GLRA2: variants seen among roughly 807,000 people sequenced by gnomAD.
GLRA2 encodes the protein glycine receptor alpha 2.
GLRA2 carries 11 observed loss-of-function variants against 31.6 expected under a neutral mutation model. That is an observed-to-expected ratio of 0.35 (90% CI 0.22 to 0.58). The LOEUF (loss-of-function observed/expected upper bound fraction) is 0.58, where lower values mean the gene tolerates loss of function less well. GLRA2 is among the 20% of genes least tolerant of loss of function. The pLI is 0.84. For synonymous variants in GLRA2, 132 were observed against 134.0 expected, an observed-to-expected ratio of 0.99 and a Z score of 0.10; for missense variants, 212 against 351.8, an observed-to-expected ratio of 0.60 and a Z score of 3.18.
intron 7 of GLRA2, among the ~76,000 whole-genome samples, chrX:14,676,834 GA>G (rs2091149948): frequency 9.0e-6 from 1 of 111,601 alleles, no homozygotes; most frequent in African/African-American, 3.3e-5. Flanking sequence ...TGTAATTCAT[GA>G]AAAAAATTGA....
the GLRA2 span, among the ~76,000 whole-genome samples, chrX:14,492,320 C>T: frequency 9.0e-6 from 1 of 110,894 alleles, no homozygotes; most frequent in African/African-American, 3.3e-5. Context: ...ATCATCTAGT[C>T]TCCTCATGCT....
At chrX:14,723,015 C>A (rs2091884548) in intron 8 of GLRA2, among the ~76,000 whole-genome samples, 1 of 112,093 alleles carries the variant, frequency 8.9e-6, no homozygotes, top group Admixed American at 9.4e-5. Flanking sequence ...CATAAGTCAC[C>A]TTCAGTATTT....
the GLRA2 span, among the ~76,000 whole-genome samples, chrX:14,470,604 G>C: frequency 9.0e-6 from 1 of 111,370 alleles, no homozygotes; most frequent in African/African-American, 3.3e-5. Flanking sequence ...TGCTTTTATT[G>C]AAAAGGCTAG....
At chrX:14,511,419 T>C in the GLRA2 span, among the ~76,000 whole-genome samples, 5 of 111,867 alleles carry the variant, frequency 4.5e-5, no homozygotes, top group African/African-American at 1.6e-4. Flanking sequence ...TTTGTATCAA[T>C]AGAATTCTTC....
the GLRA2 span, among the ~76,000 whole-genome samples, chrX:14,498,513 AGG>A: frequency 9.1e-6 from 1 of 110,479 alleles, no homozygotes; most frequent in Non-Finnish European, 1.9e-5. Flanking sequence ...ACATATTTTG[AGG>A]GCACATGAGG....
At chrX:14,576,236 C>A (rs747398700) in intron 3 of GLRA2, among the ~76,000 whole-genome samples, 3 of 111,149 alleles carry the variant, frequency 2.7e-5, no homozygotes, top group Admixed American at 9.6e-5. Flanking sequence ...ACTCCATTAC[C>A]CATTTTGATA....
chrX:14,463,638 G>C, the GLRA2 span, among the ~76,000 whole-genome samples: 2 of 111,232 alleles, frequency 1.8e-5, no homozygotes, highest in Non-Finnish European at 3.8e-5. Context: ...TGCTGCACTA[G>C]CAGTGAGCAA....
At chrX:14,663,689 TA>T (rs758015163) in intron 7 of GLRA2, among the ~76,000 whole-genome samples, 35 of 111,941 alleles carry the variant, frequency 3.1e-4, no homozygotes, top group African/African-American at 1.1e-3. Flanking sequence ...AATCTATTAC[TA>T]AAATATTTCA....
chrX:14,523,983 C>A, the GLRA2 span, among the ~76,000 whole-genome samples: 2 of 111,946 alleles, frequency 1.8e-5, no homozygotes, highest in Admixed American at 9.5e-5. Context: ...ACTCATCATC[C>A]ATTCAAGTTT....
chrX:14,485,179 A>G, the GLRA2 span, among the ~76,000 whole-genome samples: 9 of 112,311 alleles, frequency 8.0e-5, no homozygotes, highest in Admixed American at 7.5e-4. Context: ...TCAGGCAAGC[A>G]TAACTCAGAA....
chrX:14,535,230 C>A (rs1051643751), intron 2 of GLRA2, among the ~76,000 whole-genome samples: 1 of 112,057 alleles, frequency 8.9e-6, no homozygotes, highest in Non-Finnish European at 1.9e-5. Flanking sequence ...TAGCATATTT[C>A]TCTGTTTTCC....
chrX:14,663,959 TTCTC>T (rs769113118), intron 7 of GLRA2, among the ~76,000 whole-genome samples: 2 of 111,674 alleles, frequency 1.8e-5, no homozygotes, highest in Non-Finnish European at 3.8e-5. Flanking sequence ...TAGCTATATT[TTCTC>T]TCTTTCTTGA....
At chrX:14,474,832 C>A in the GLRA2 span, among the ~76,000 whole-genome samples, 1 of 111,312 alleles carries the variant, frequency 9.0e-6, no homozygotes, top group Non-Finnish European at 1.9e-5. Flanking sequence ...GAGGGAAAGC[C>A]CCAATGTATA....
chrX:14,454,379 A>T, the GLRA2 span, among the ~76,000 whole-genome samples: 1 of 111,283 alleles, frequency 9.0e-6, no homozygotes, highest in South Asian at 3.7e-4. Context: ...TTTCTGTGTT[A>T]TTTCTTACAA....
intron 3 of GLRA2, among the ~76,000 whole-genome samples, chrX:14,575,841 G>T (rs1359723020): frequency 1.8e-5 from 2 of 111,269 alleles, no homozygotes; most frequent in Admixed American, 1.9e-4. Flanking sequence ...ACCCCCACAG[G>T]GTTCTCGGCT....
the GLRA2 span, among the ~76,000 whole-genome samples, chrX:14,518,969 G>A: frequency 5.4e-5 from 5 of 92,272 alleles, no homozygotes; most frequent in South Asian, 5.5e-4. Context: ...TCGAGATTGC[G>A]CCACTGCACT....
chrX:14,685,597 C>T (rs1164663894), intron 7 of GLRA2, among the ~76,000 whole-genome samples: 5 of 111,640 alleles, frequency 4.5e-5, no homozygotes, highest in Non-Finnish European at 9.4e-5. Context: ...TTCTAGTTTA[C>T]TTGCGTAGAG....
At chrX:14,491,413 T>C in the GLRA2 span, among the ~76,000 whole-genome samples, 3 of 111,611 alleles carry the variant, frequency 2.7e-5, no homozygotes, top group African/African-American at 9.8e-5. Flanking sequence ...AGAGTTTGTT[T>C]GTAAAAGAGT....
At chrX:14,557,102 C>CTTTTTTTTTTTT (rs58282642) in intron 2 of GLRA2, among the ~76,000 whole-genome samples, 1 of 46,344 alleles carries the variant, frequency 2.2e-5, no homozygotes, top group Admixed American at 3.9e-4. Context: ...TAAAGTATTT[C>CTTTTTTTTTTTT]TTTTTTTTTT....
Sources: allele counts gnomAD v4.1 joint callset (sites outside exome capture counted in the v4.1 genomes callset), GRCh38; gene constraint gnomAD v4.1.1; transcripts MANE v1.5; gene names NCBI Gene and HGNC (gene_info 2026-07-23, HGNC 2026-07-21).